Variants in WNT3A observed in about 807,000 individuals in gnomAD.
WNT3A encodes protein Wnt-3a.
Under a neutral mutation model 37.0 loss-of-function variants are expected in WNT3A, and 17 were observed. That is an observed-to-expected ratio of 0.46 (90% CI 0.31 to 0.69). The LOEUF (loss-of-function observed/expected upper bound fraction) is 0.69. Ranked by LOEUF, WNT3A falls within the 30% of genes least tolerant of loss-of-function variation. WNT3A has a pLI of 0.05. For missense variants in WNT3A, 411 were observed against 510.2 expected, an observed-to-expected ratio of 0.81 and a Z score of 1.87; for synonymous variants, 187 against 211.0, an observed-to-expected ratio of 0.89 and a Z score of 0.99.
chr1:228,021,653 C>T (rs2030710983), intron 1 of WNT3A, among the ~76,000 whole-genome samples: 6 of 152,226 alleles, frequency 3.9e-5, no homozygotes, highest in Non-Finnish European at 8.8e-5. Flanking sequence ...TTCCTGAACA[C>T]GTCTCATTGT....
At chr1:228,049,177 C>T (rs370129602) in intron 2 of WNT3A, among the ~76,000 whole-genome samples, 5 of 152,236 alleles carry the variant, frequency 3.3e-5, no homozygotes, top group East Asian at 3.9e-4. Context: ...GCAGCTGTAC[C>T]GCTGAGCCAT....
At position 228,007,215 on chromosome 1, in the gene WNT3A, C is replaced by T. The variant is rs1214937775; in HGVS notation, c.71+16C>T. ...CGATCTGGTGGTGAGTGAGCCTCCTCGCGTTCGCCCCTGCCCCTGTGCGCC... is the reference window on the plus strand; with the variant it reads ...CGATCTGGTGGTGAGTGAGCCTCCTTGCGTTCGCCCCTGCCCCTGTGCGCC... On this transcript the variant is annotated intron_variant, in intron 1 of 3. Transcript: ENST00000284523. The surrounding 1 kb of genome is among the most constrained non-coding windows in gnomAD (Gnocchi z 6.0). 1.6e-5 allele frequency: 25 copies of T among 1,596,992 alleles called. No homozygotes were observed. Among genetic ancestry groups the T allele is most frequent in the Non-Finnish European group, 2.0e-5 (24 of 1,172,350 alleles).
chr1:228,059,356 A>G lies in WNT3A; in HGVS notation c.950A>G (p.Asn317Ser), dbSNP rs2031746169. ...CTGCTGTGCTGCGGCCGCGGCCACA[A>G]CGCGCGAGCGGAGCGGCGCCGGGAG... ...CDLLCCGRGH[N>S]ARAERRREKC... is the part of the protein sequence containing the mutation. Residue 317 changes from asparagine (N) to serine (S), a missense_variant, in exon 4 of 4, where the codon AAC (asparagine) becomes AGC (serine). Transcript: ENST00000284523. 2 of 1,565,560 alleles carry G rather than the reference A, an allele frequency of 1.3e-6. No homozygotes were observed. The highest frequency in any genetic ancestry group is 1.7e-6 in the Non-Finnish European group (2 of 1,160,018).
At chr1:228,035,202 T>C (rs1283011016) in intron 2 of WNT3A, among the ~76,000 whole-genome samples, 1 of 152,166 alleles carries the variant, frequency 6.6e-6, no homozygotes, top group African/African-American at 2.4e-5. Flanking sequence ...ACATATGCAG[T>C]ATTTTCTAGG....
At chr1:228,041,934 C>T (rs1048359997) in intron 2 of WNT3A, among the ~76,000 whole-genome samples, 2 of 152,138 alleles carry the variant, frequency 1.3e-5, no homozygotes, top group African/African-American at 4.8e-5. Context: ...TTCAGAAAGC[C>T]TAGGTTGTTA....
At chr1:228,012,452 ACAAAC>A (rs745761468) in intron 1 of WNT3A, among the ~76,000 whole-genome samples, 11 of 152,326 alleles carry the variant, frequency 7.2e-5, no homozygotes, top group Admixed American at 2.6e-4. Context: ...AAATTTAAAA[ACAAAC>A]CAACCACGTC....
chr1:228,032,466 T>A (rs1011750289), intron 2 of WNT3A, among the ~76,000 whole-genome samples: 4 of 152,228 alleles, frequency 2.6e-5, no homozygotes, highest in Non-Finnish European at 5.9e-5. Flanking sequence ...GAAAGGCCTA[T>A]GAACGAGTCC....
At chr1:228,053,396 C>A (rs936177051) in intron 3 of WNT3A, among the ~76,000 whole-genome samples, 11 of 152,162 alleles carry the variant, frequency 7.2e-5, no homozygotes, top group African/African-American at 2.7e-4. Flanking sequence ...TATAGAATAT[C>A]TTTGTGACCT....
chr1:228,027,497 G>C (rs1273254920), intron 2 of WNT3A, among the ~76,000 whole-genome samples: 2 of 151,942 alleles, frequency 1.3e-5, no homozygotes, highest in Non-Finnish European at 1.5e-5. Context: ...ATCTCGTTGT[G>C]GTTTTAATTT....
At chr1:228,023,839 T>C (rs1217537717) in intron 2 of WNT3A, among the ~76,000 whole-genome samples, 1 of 152,226 alleles carries the variant, frequency 6.6e-6, no homozygotes, top group Admixed American at 6.5e-5. Flanking sequence ...CTCCCTTCCA[T>C]AGCCCCTGGC....
chr1:228,028,384 C>T (rs955066853), intron 2 of WNT3A, among the ~76,000 whole-genome samples: 2 of 151,210 alleles, frequency 1.3e-5, no homozygotes, highest in African/African-American at 4.9e-5. Context: ...ACCTCTGCCT[C>T]CCAGGTTCAA....
At chr1:228,025,154 T>C (rs1488536845) in intron 2 of WNT3A, among the ~76,000 whole-genome samples, 1 of 152,174 alleles carries the variant, frequency 6.6e-6, no homozygotes, top group African/African-American at 2.4e-5. Flanking sequence ...TTGGGGTCCC[T>C]TTCAAATATA....
Position 228,007,088 on chromosome 1 carries a change from T to A in WNT3A, c.-41T>A. 1 of 1,475,602 alleles carries A rather than the reference T, an allele frequency of 6.8e-7. No individual in the cohort carries two copies. Among genetic ancestry groups the A allele is most frequent in the Non-Finnish European group, 9.1e-7 (1 of 1,104,842 alleles). 91.4% of individuals were successfully genotyped at this position (1,475,602 alleles called of 1,614,324 possible). ...CCGGCCCCCCCCGGCGCTCACGCTCTCGGGGCGGACTCCCGGCCCTCCGCG... is the reference window on the plus strand; with the variant it reads ...CCGGCCCCCCCCGGCGCTCACGCTCACGGGGCGGACTCCCGGCCCTCCGCG... On this transcript the variant is annotated 5_prime_UTR_variant, in exon 1 of 4. Transcript: ENST00000284523. This position sits in a 1 kb window ranked among gnomAD's most constrained non-coding sequence, Gnocchi z 6.0.
intron 3 of WNT3A, among the ~76,000 whole-genome samples, chr1:228,055,174 A>T (rs1571816591): frequency 1.5e-5 from 1 of 64,864 alleles, no homozygotes; most frequent in African/African-American, 6.7e-5. Flanking sequence ...AAAAAAAAAA[A>T]AAAAAATATA....
At position 228,042,269 on chromosome 1, in the gene WNT3A, G is replaced by C. The variant is rs764263691; in HGVS notation, c.314-8387G>C. 6.6e-6 allele frequency among the ~76,000 whole-genome samples: 1 copy of C among 152,132 alleles called. No homozygotes were observed. The highest frequency in any genetic ancestry group is 1.5e-5 in the Non-Finnish European group (1 of 68,038). On this transcript the variant is annotated intron_variant, in intron 2 of 3. Coordinates refer to ENST00000284523, the MANE Select transcript of WNT3A (RefSeq NM_033131.4). This position sits in a 1 kb window ranked among gnomAD's most constrained non-coding sequence, Gnocchi z 5.2. Reference sequence around the variant, plus strand: ...TGGGATTACAGCTGTGAGCCACCGCGCCCAGCCTCTGGAGGATTTTTTTTA... The same window carrying C: ...TGGGATTACAGCTGTGAGCCACCGCCCCCAGCCTCTGGAGGATTTTTTTTA...
At position 228,059,722 on chromosome 1, in the gene WNT3A, T is replaced by G; in HGVS notation, c.*257T>G. 6.2e-6 allele frequency: 8 copies of G among 1,284,060 alleles called. No individual in the cohort carries two copies. The highest frequency in any genetic ancestry group is 6.9e-6 in the Non-Finnish European group (7 of 1,018,340). 79.5% of individuals were successfully genotyped at this position (1,284,060 alleles called of 1,614,324 possible). On this transcript the variant is annotated 3_prime_UTR_variant, in exon 4 of 4. Transcript: ENST00000284523. ...TCCAGGATGGGGAGGGGCTCTGCGTTGGCTTCTCCCTGGGGACGGGGCTCC... is the reference window on the plus strand; with the variant it reads ...TCCAGGATGGGGAGGGGCTCTGCGTGGGCTTCTCCCTGGGGACGGGGCTCC...
At position 228,007,988 on chromosome 1, in the gene WNT3A, G is replaced by T. The variant is rs1437119984; in HGVS notation, c.71+789G>T. 6.6e-6 allele frequency among the ~76,000 whole-genome samples: 1 copy of T among 152,202 alleles called. No individual in the cohort carries two copies. The highest frequency in any genetic ancestry group is 2.4e-5 in the African/African-American group (1 of 41,454). On this transcript the variant is annotated intron_variant, in intron 1 of 3. Coordinates refer to ENST00000284523, the MANE Select transcript of WNT3A (RefSeq NM_033131.4). The surrounding 1 kb of genome is among the most constrained non-coding windows in gnomAD (Gnocchi z 6.0). ...TCCGTGAGACCCTCCCCAGCCTGGC[G>T]ATGGAAGTGCAGATAAACCAAAGGA...
intron 1 of WNT3A, among the ~76,000 whole-genome samples, chr1:228,020,911 G>C (rs775798004): frequency 6.6e-6 from 1 of 152,148 alleles, no homozygotes. Context: ...CTGGGAGTCC[G>C]GTCCGGAGGC....
At chr1:228,045,962 G>T (rs754153121) in intron 2 of WNT3A, among the ~76,000 whole-genome samples, 2 of 152,228 alleles carry the variant, frequency 1.3e-5, no homozygotes, top group Non-Finnish European at 2.9e-5. Context: ...CTAGGCAGCC[G>T]CGGCTAGGGA....
Sources: allele counts gnomAD v4.1 joint callset (sites outside exome capture counted in the v4.1 genomes callset), GRCh38; gene constraint gnomAD v4.1.1; non-coding constraint Gnocchi (gnomAD v3.1); transcripts MANE v1.5; gene names NCBI Gene and HGNC (gene_info 2026-07-23, HGNC 2026-07-21).